NLN: variants seen among roughly 807,000 people sequenced by gnomAD.
NLN encodes the protein neurolysin, mitochondrial.
A neutral mutation model predicts 79.9 loss-of-function variants in NLN; 64 were observed. That is an observed-to-expected ratio of 0.80 (90% CI 0.65 to 0.99). NLN has a LOEUF of 0.99. NLN is among the 50% of genes least tolerant of loss of function. NLN has a pLI of 0.00. For synonymous variants in NLN, 267 were observed against 296.6 expected, an observed-to-expected ratio of 0.90 and a Z score of 1.02; for missense variants, 835 against 858.7, an observed-to-expected ratio of 0.97 and a Z score of 0.34.
At chr5:65,753,557 C>T (rs141108085) in intron 1 of NLN, among the ~76,000 whole-genome samples, 152 of 150,794 alleles carry the variant, frequency 1.0e-3, no homozygotes, top group Non-Finnish European at 1.8e-3. Context: ...GGCTGAGGCA[C>T]GAGAATCGCT....
At chr5:65,761,128 AG>A (rs1441580788) in intron 2 of NLN, among the ~76,000 whole-genome samples, 1 of 152,168 alleles carries the variant, frequency 6.6e-6, no homozygotes, top group Non-Finnish European at 1.5e-5. Context: ...ATCTGGTTCC[AG>A]GTCTTTGTGG....
intron 12 of NLN, among the ~76,000 whole-genome samples, chr5:65,814,778 G>T (rs1404574426): frequency 2.0e-5 from 3 of 152,054 alleles, no homozygotes; most frequent in Non-Finnish European, 4.4e-5. Flanking sequence ...ACAAAAAAAA[G>T]TGGTCTTGAG....
At chr5:65,773,164 C>T (rs1365590586) in intron 3 of NLN, among the ~76,000 whole-genome samples, 2 of 133,846 alleles carry the variant, frequency 1.5e-5, no homozygotes, top group Admixed American at 7.8e-5. Context: ...CAGGTCCTCA[C>T]TCTGTTGCCC....
chr5:65,732,312 C>T (rs1435942798), intron 1 of NLN, among the ~76,000 whole-genome samples: 2 of 88,914 alleles, frequency 2.2e-5, no homozygotes, highest in Non-Finnish European at 5.1e-5. Flanking sequence ...GAGAGACATG[C>T]AGGGAGCTAG....
intron 8 of NLN, among the ~76,000 whole-genome samples, chr5:65,790,961 T>G (rs755093677): frequency 3.9e-5 from 6 of 152,316 alleles, no homozygotes; most frequent in Non-Finnish European, 7.4e-5. Context: ...GATCTGGTCA[T>G]TGCTACCAGC....
chr5:65,804,765 A>T (rs1396170113), intron 9 of NLN, among the ~76,000 whole-genome samples: 2 of 152,192 alleles, frequency 1.3e-5, no homozygotes, highest in Non-Finnish European at 2.9e-5. Flanking sequence ...TCCTGGCCTC[A>T]AATGATCTGC....
rs762192850 is a variant in NLN, at chr5:65,781,347, C to G, written c.748C>G (p.Pro250Ala). 1 of 1,602,716 alleles carries G rather than the reference C, an allele frequency of 6.2e-7. No individual in the cohort carries two copies. Among genetic ancestry groups the G allele is most frequent in the East Asian group, 2.2e-5 (1 of 44,768 alleles). Residue 250 changes from proline (P) to alanine (A), a missense_variant, in exon 6 of 13, where the codon CCT (proline) becomes GCT (alanine). Coordinates refer to ENST00000380985, the MANE Select transcript of NLN (RefSeq NM_020726.5). ...TACCTTAAAATATCCACACTATTTC[C>G]CTGTCATGAAGAAATGTTGTATCCC... ...KITLKYPHYF[P>A]VMKKCCIPET... is the part of the protein sequence containing the mutation.
intron 9 of NLN, among the ~76,000 whole-genome samples, chr5:65,797,087 G>A (rs899215918): frequency 3.1e-4 from 47 of 152,200 alleles, no homozygotes; most frequent in African/African-American, 1.0e-3. Flanking sequence ...AGGTAATTTT[G>A]AAGATAGCAA....
intron 1 of NLN, among the ~76,000 whole-genome samples, chr5:65,744,022 T>C (rs1758922195): frequency 6.6e-6 from 1 of 152,222 alleles, no homozygotes; most frequent in South Asian, 2.1e-4. Flanking sequence ...TCCATTGCCT[T>C]ATTTATATAG....
chr5:65,811,867 A>G (rs1760554849), intron 11 of NLN, among the ~76,000 whole-genome samples: 1 of 152,212 alleles, frequency 6.6e-6, no homozygotes, highest in Non-Finnish European at 1.5e-5. Context: ...AATAAGTGCA[A>G]TTCTGAGACA....
intron 9 of NLN, among the ~76,000 whole-genome samples, chr5:65,806,233 T>C (rs77132342): frequency 0.011 from 1,738 of 152,318 alleles, 31 homozygotes; most frequent in African/African-American, 0.04. Flanking sequence ...CGAGGAGTAA[T>C]TTCAACTTTC....
Position 65,788,199 on chromosome 5 carries a change from A to T in NLN, c.1040A>T (p.Asp347Val). ...AATTTGAAGAAAAAGGAATGCAAAGACAGGGGTTTTGAATATGATGGGAAA... is the reference window on the plus strand; with the variant it reads ...AATTTGAAGAAAAAGGAATGCAAAGTCAGGGGTTTTGAATATGATGGGAAA... ...ILNLKKKECK[D>V]RGFEYDGKIN... is the part of the protein sequence containing the mutation. The change falls in exon 8 of 13, where the codon GAC becomes GTC. Residue 347 changes from aspartate (D) to valine (V), a missense_variant. Physicochemically the swap from Asp to Val is radical, Grantham distance 152 (BLOSUM62 -3). Coordinates refer to ENST00000380985, the MANE Select transcript of NLN (RefSeq NM_020726.5). 6.2e-7 allele frequency: 1 copy of T among 1,614,108 alleles called. No individual in the cohort carries two copies. Among genetic ancestry groups the T allele is most frequent in the Non-Finnish European group, 8.5e-7 (1 of 1,179,948 alleles).
intron 1 of NLN, among the ~76,000 whole-genome samples, chr5:65,732,177 C>T (rs1393095584): frequency 1.3e-5 from 2 of 152,076 alleles, no homozygotes; most frequent in Non-Finnish European, 2.9e-5. Flanking sequence ...AAATCAACAC[C>T]GAAACTGCAA....
rs573868156 is a variant in NLN at position 65,745,392 on chromosome 5, C to G, written c.42-13175C>G. ...AGTATAGGATAATAAAGAATAAGGG[C>G]CCTCAGATACTTTTCAGTTTATAAA... is the stretch of plus-strand genomic sequence containing the variant. On this transcript the variant is annotated intron_variant, in intron 1 of 12. Coordinates refer to ENST00000380985, the MANE Select transcript of NLN (RefSeq NM_020726.5). Among the ~76,000 whole-genome samples the G allele has an allele frequency of 4.6e-5, 7 of 152,200 alleles. No individual in the cohort carries two copies. The South Asian group carries it at 1.2e-3, about 27-fold the overall frequency.
intron 3 of NLN, among the ~76,000 whole-genome samples, chr5:65,773,127 ATTTTTTTTTT>A (rs757202934): frequency 1.0e-5 from 1 of 96,610 alleles, no homozygotes; most frequent in Admixed American, 1.2e-4. Context: ...CCTGAATTCT[ATTTTTTTTTT>A]TTTTTTTTTT....
chr5:65,816,160 C>T (rs1033240262), intron 12 of NLN, among the ~76,000 whole-genome samples: 8 of 151,902 alleles, frequency 5.3e-5, no homozygotes, highest in African/African-American at 1.9e-4. Flanking sequence ...CATTGCACTC[C>T]AGCCTGGGCA....
At chr5:65,726,517 T>C (rs1376874714) in intron 1 of NLN, among the ~76,000 whole-genome samples, 1 of 152,220 alleles carries the variant, frequency 6.6e-6, no homozygotes, top group African/African-American at 2.4e-5. Context: ...AGTATTGTTA[T>C]GAAAGATTTT....
rs372031528 is a variant in NLN at position 65,803,444 on chromosome 5, AG to A, written c.1528-6069del. Among the ~76,000 whole-genome samples, 275 of 152,316 alleles carry A rather than the reference AG, an allele frequency of 1.8e-3. 1 individual carries two copies. The highest frequency in any genetic ancestry group is 6.3e-3 in the African/African-American group (263 of 41,586). On this transcript the variant is annotated intron_variant, in intron 9 of 12. Coordinates refer to ENST00000380985, the MANE Select transcript of NLN (RefSeq NM_020726.5). ...GTCCTGAGCATATGGACACCTGGCC[AG>A]GTTGTGACAGTGCCTGGGATTGACC...
chr5:65,724,939 C>A (rs1758430392), intron 1 of NLN, among the ~76,000 whole-genome samples: 1 of 151,584 alleles, frequency 6.6e-6, no homozygotes, highest in Non-Finnish European at 1.5e-5. Flanking sequence ...GTAGCTGGGA[C>A]TACAGGCGCC....
Sources: allele counts gnomAD v4.1 joint callset (sites outside exome capture counted in the v4.1 genomes callset), GRCh38; gene constraint gnomAD v4.1.1; transcripts MANE v1.5; gene names NCBI Gene and HGNC (gene_info 2026-07-23, HGNC 2026-07-21).